GPC6: variants seen among roughly 807,000 people sequenced by gnomAD.
The protein encoded by GPC6 is glypican-6.
GPC6 carries 14 observed loss-of-function variants against 55.2 expected under a neutral mutation model. That is an observed-to-expected ratio of 0.25 (90% CI 0.17 to 0.40). The LOEUF is 0.40. Ranked by LOEUF, GPC6 falls within the 10% of genes least tolerant of loss-of-function variation. The pLI, the probability that GPC6 is intolerant of heterozygous loss-of-function variation, is 1.00. For missense variants in GPC6, 641 were observed against 708.5 expected, an observed-to-expected ratio of 0.90 and a Z score of 1.08; for synonymous variants, 278 against 259.6, an observed-to-expected ratio of 1.07 and a Z score of -0.68.
chr13:94,378,672 GTA>G (rs1880014864), intron 6 of GPC6, among the ~76,000 whole-genome samples: 1 of 152,144 alleles, frequency 6.6e-6, no homozygotes, highest in South Asian at 2.1e-4. Context: ...GACCCCAACA[GTA>G]TATGTTTGGA....
At chr13:93,697,291 G>A (rs1208215488) in intron 2 of GPC6, among the ~76,000 whole-genome samples, 2 of 152,086 alleles carry the variant, frequency 1.3e-5, no homozygotes, top group Admixed American at 1.3e-4. Context: ...TTGCTAGAGT[G>A]CCTTTTTATG....
At chr13:93,269,963 G>C (rs187320414) in intron 1 of GPC6, among the ~76,000 whole-genome samples, 19 of 149,926 alleles carry the variant, frequency 1.3e-4, no homozygotes, top group Admixed American at 2.0e-4. Flanking sequence ...ATATGAGTAA[G>C]TTTAAAAGTC....
chr13:93,242,203 C>G (rs930814964), intron 1 of GPC6, among the ~76,000 whole-genome samples: 1 of 152,140 alleles, frequency 6.6e-6, no homozygotes, highest in Non-Finnish European at 1.5e-5. Context: ...ATGGTGAGCA[C>G]ACATCCCAGC....
At chr13:93,624,735 A>G (rs539643445) in intron 2 of GPC6, among the ~76,000 whole-genome samples, 1 of 152,350 alleles carries the variant, frequency 6.6e-6, no homozygotes, top group East Asian at 1.9e-4. Flanking sequence ...TAAATGCTTT[A>G]AGAAAAGATG....
intron 3 of GPC6, among the ~76,000 whole-genome samples, chr13:93,914,869 T>C (rs1877207094): frequency 6.6e-6 from 1 of 152,206 alleles, no homozygotes; most frequent in Non-Finnish European, 1.5e-5. Context: ...CACCCTATAC[T>C]GAAGCAATGT....
intron 4 of GPC6, among the ~76,000 whole-genome samples, chr13:94,180,566 T>G (rs1270554965): frequency 6.6e-6 from 1 of 152,226 alleles, no homozygotes; most frequent in South Asian, 2.1e-4. Context: ...ATGAGCTACA[T>G]GCAGAGGGAG....
At chr13:93,986,130 C>T (rs117638589) in intron 3 of GPC6, among the ~76,000 whole-genome samples, 13 of 152,264 alleles carry the variant, frequency 8.5e-5, no homozygotes, top group Non-Finnish European at 1.5e-4. Context: ...TGTTGTGTGA[C>T]ATAGTTTGAG....
At chr13:94,180,788 G>A (rs1046918817) in intron 4 of GPC6, among the ~76,000 whole-genome samples, 5 of 152,032 alleles carry the variant, frequency 3.3e-5, no homozygotes, top group African/African-American at 1.2e-4. Flanking sequence ...TCATTAAGGT[G>A]GAATAGATAT....
chr13:93,756,029 C>A (rs72643141), intron 2 of GPC6, among the ~76,000 whole-genome samples: 1,849 of 152,204 alleles, frequency 0.012, 31 homozygotes, highest in Non-Finnish European at 0.015. Flanking sequence ...AAATAGCTTA[C>A]ATTTTTAGTG....
At chr13:93,643,809 C>T (rs996379432) in intron 2 of GPC6, among the ~76,000 whole-genome samples, 4 of 152,088 alleles carry the variant, frequency 2.6e-5, no homozygotes, top group African/African-American at 9.7e-5. Context: ...GTGACGTATT[C>T]TGCCATCCTG....
rs185858524 is a variant in GPC6 at position 93,789,156 on chromosome 13, G to A, written c.320-40998G>A. Among the ~76,000 whole-genome samples the A allele has an allele frequency of 5.4e-4, 82 of 152,216 alleles. No individual in the cohort carries two copies. The East Asian group carries it at 8.1e-3, about 15-fold the overall frequency. ...CAGGGGATGACACTCATGTCTGAAAGAGAAAATAAGAGCTCTGCTTCGTCT... is the reference window on the plus strand; with the variant it reads ...CAGGGGATGACACTCATGTCTGAAAAAGAAAATAAGAGCTCTGCTTCGTCT... On this transcript the variant is annotated intron_variant, in intron 2 of 8. Coordinates refer to ENST00000377047, the MANE Select transcript of GPC6 (RefSeq NM_005708.5).
intron 2 of GPC6, among the ~76,000 whole-genome samples, chr13:93,814,434 C>T (rs1419030265): frequency 2.0e-5 from 3 of 152,118 alleles, no homozygotes; most frequent in Non-Finnish European, 4.4e-5. Context: ...GTATTTTCAA[C>T]ATGGTCAGCC....
intron 3 of GPC6, among the ~76,000 whole-genome samples, chr13:93,942,834 G>C (rs914633244): frequency 6.6e-6 from 1 of 152,184 alleles, no homozygotes; most frequent in Non-Finnish European, 1.5e-5. Context: ...GAAATTAGCA[G>C]TATAGTGATA....
At chr13:94,150,449 T>A (rs1306061454) in intron 4 of GPC6, among the ~76,000 whole-genome samples, 1 of 152,108 alleles carries the variant, frequency 6.6e-6, no homozygotes, top group Non-Finnish European at 1.5e-5. Context: ...CCCCTTCTTG[T>A]TCTGACTCCT....
At chr13:94,163,767 C>A (rs1003638447) in intron 4 of GPC6, among the ~76,000 whole-genome samples, 1 of 152,118 alleles carries the variant, frequency 6.6e-6, no homozygotes, top group Non-Finnish European at 1.5e-5. Context: ...TCACACCGAG[C>A]CTTGGAAAGG....
intron 2 of GPC6, among the ~76,000 whole-genome samples, chr13:93,779,820 G>T (rs1885581756): frequency 1.3e-5 from 2 of 152,056 alleles, no homozygotes. Context: ...GACACCCCAG[G>T]TCATCTGGTG....
Position 93,727,274 on chromosome 13 carries a change from G to T in GPC6, c.320-102880G>T, listed in dbSNP as rs147698557. On this transcript the variant is annotated intron_variant, in intron 2 of 8. Transcript: ENST00000377047. ...TTGAAAGCTTTCAAATATGGACTCT[G>T]TTCAGGAATTGTAGAAGAGCTTAAA... Among the ~76,000 whole-genome samples the T allele has an allele frequency of 1.1e-3, 161 of 152,258 alleles. No individual in the cohort carries two copies. The East Asian group carries it at 0.024, about 23-fold the overall frequency.
Position 93,561,404 on chromosome 13 carries a change from G to GATATATATATATATATATAT in GPC6, c.319+15986_319+16005dup, listed in dbSNP as rs66957373. ...AATAATTGCATACTATATCCCTATC[G>GATATATATATATATATATAT]ATATATATATATATATATATATTTG... On this transcript the variant is annotated intron_variant, in intron 2 of 8. Coordinates refer to ENST00000377047, the MANE Select transcript of GPC6 (RefSeq NM_005708.5). Among the ~76,000 whole-genome samples, 202 of 104,616 alleles carry GATATATATATATATATATAT rather than the reference G, an allele frequency of 1.9e-3. 8 individuals are homozygous for GATATATATATATATATATAT. Among genetic ancestry groups the GATATATATATATATATATAT allele is most frequent in the African/African-American group, 4.6e-3 (112 of 24,086 alleles). 68.6% of individuals were successfully genotyped at this position (104,616 alleles called of 152,430 possible).
At chr13:93,951,877 C>A (rs1335349220) in intron 3 of GPC6, among the ~76,000 whole-genome samples, 2 of 152,036 alleles carry the variant, frequency 1.3e-5, no homozygotes, top group Admixed American at 6.6e-5. Flanking sequence ...AAACAGTGGA[C>A]ATGTTTCATA....
Sources: allele counts gnomAD v4.1 joint callset (sites outside exome capture counted in the v4.1 genomes callset), GRCh38; gene constraint gnomAD v4.1.1; transcripts MANE v1.5; gene names NCBI Gene and HGNC (gene_info 2026-07-23, HGNC 2026-07-21).